The following SPON1 variants were observed in gnomAD, a reference collection of about 807,000 sequenced individuals.
SPON1 encodes spondin 1.
In SPON1, 52 loss-of-function variants were observed where a neutral mutation model predicts 111.7. That is an observed-to-expected ratio of 0.47 (90% CI 0.37 to 0.59). The LOEUF (loss-of-function observed/expected upper bound fraction) is 0.59. Among genes scored for constraint, SPON1 ranks in the 20% least tolerant of loss-of-function variants. The pLI is 0.00. For synonymous variants in SPON1, 410 were observed against 395.8 expected (o/e 1.04, Z -0.43); for missense variants, 957 against 1,068.5 (o/e 0.90, Z 1.46).
At position 14,041,579 on chromosome 11, in the gene SPON1, G is replaced by A; in HGVS notation, c.404G>A (p.Ser135Asn). The change falls in exon 3 of 16, where the codon AGC becomes AAC. Residue 135 changes from serine to asparagine, a missense_variant. Around this residue, in one of 5 missense-constraint regions of SPON1, gnomAD observed 262 missense variants for 253.9 expected, o/e 1.03. Transcript: ENST00000576479. ...MSNCPVAVTE[S>N]TPRRRTRIQV... ...AATTGCCCTGTTGCAGTCACTGAAA[G>A]CACTCCACGGAGGAGGACCCGGATC... 3.1e-6 allele frequency: 5 copies of A among 1,613,970 alleles called. No homozygotes were observed. Among genetic ancestry groups the A allele is most frequent in the Non-Finnish European group, 4.2e-6 (5 of 1,179,888 alleles).
chr11:14,226,639 T>C (rs1402596521), intron 6 of SPON1, among the ~76,000 whole-genome samples: 1 of 152,232 alleles, frequency 6.6e-6, no homozygotes, highest in African/African-American at 2.4e-5. Context: ...TCAGGGACTG[T>C]CTGCCTTTTA....
chr11:14,249,033 C>G, intron 7 of SPON1, among the ~76,000 whole-genome samples: 1 of 152,220 alleles, frequency 6.6e-6, no homozygotes, highest in East Asian at 1.9e-4. Flanking sequence ...TGTCCATCAT[C>G]CAGTTCCTCC....
At position 14,041,563 on chromosome 11, in the gene SPON1, G is replaced by C; in HGVS notation, c.388G>C (p.Val130Leu). 6.2e-7 allele frequency: 1 copy of C among 1,613,928 alleles called. No individual in the cohort carries two copies. Among genetic ancestry groups the C allele is most frequent in the Non-Finnish European group, 8.5e-7 (1 of 1,179,862 alleles). ...EETQFMSNCP[V>L]AVTESTPRRR... ...AACTCAGTTTATGAGCAATTGCCCT[G>C]TTGCAGTCACTGAAAGCACTCCACG... Residue 130 changes from valine (V) to leucine (L), a missense_variant, in exon 3 of 16, where the codon GTT (valine) becomes CTT (leucine). By Grantham distance (32) the Val-to-Leu change is conservative. Coordinates refer to ENST00000576479, the MANE Select transcript of SPON1 (RefSeq NM_006108.4).
intron 2 of SPON1, among the ~76,000 whole-genome samples, chr11:14,027,923 A>G (rs967228129): frequency 2.6e-5 from 4 of 152,244 alleles, no homozygotes; most frequent in African/African-American, 9.6e-5. Context: ...ACTACATTGA[A>G]TAAAATCCCC....
At chr11:14,136,995 T>G (rs538070732) in intron 6 of SPON1, among the ~76,000 whole-genome samples, 103 of 152,334 alleles carry the variant, frequency 6.8e-4, no homozygotes, top group African/African-American at 2.1e-3. Flanking sequence ...CTCCCTGATT[T>G]GTCAAGCTCC....
At chr11:14,017,935 CG>C (rs1362590825) in intron 2 of SPON1, among the ~76,000 whole-genome samples, 3 of 152,198 alleles carry the variant, frequency 2.0e-5, no homozygotes, top group African/African-American at 7.2e-5. Context: ...ACTAATGAGT[CG>C]GACTATTTGG....
chr11:13,979,579 A>G (rs1848128676), intron 1 of SPON1, among the ~76,000 whole-genome samples: 1 of 152,092 alleles, frequency 6.6e-6, no homozygotes, highest in East Asian at 1.9e-4. Flanking sequence ...CCCTTCAGGT[A>G]GTTTCAGTCA....
chr11:14,040,748 C>T (rs188361961), intron 2 of SPON1, among the ~76,000 whole-genome samples: 2 of 151,958 alleles, frequency 1.3e-5, no homozygotes, highest in East Asian at 3.9e-4. Context: ...GTAATGCTAT[C>T]AACACTATTC....
In SPON1 at chr11:14,095,445, T is replaced by TAGATAGATAGAC. The variant is rs782753239; in HGVS notation, c.676+15429_676+15430insGATAGACAGATA. On this transcript the variant is annotated intron_variant, in intron 5 of 15. Transcript: ENST00000576479. ...ATAGATAGATAGATAGATAGATAGATAGATAATACATTTTTTTTTGAGGAA... is the reference window on the plus strand; with the variant it reads ...ATAGATAGATAGATAGATAGATAGATAGATAGATAGACAGATAATACATTTTTTTTTGAGGAA... Among the ~76,000 whole-genome samples, 79 of 147,496 alleles carry TAGATAGATAGAC rather than the reference T, an allele frequency of 5.4e-4. 3 individuals are homozygous for TAGATAGATAGAC. Among genetic ancestry groups the TAGATAGATAGAC allele is most frequent in the Admixed American group, 1.1e-3 (17 of 14,804 alleles).
chr11:14,062,758 C>A (rs1270406265), intron 3 of SPON1, among the ~76,000 whole-genome samples: 2 of 152,224 alleles, frequency 1.3e-5, no homozygotes, highest in Admixed American at 1.3e-4. Context: ...ATAATAGAAA[C>A]ATCCTTCACA....
chr11:14,225,362 G>GT (rs1848725818), intron 6 of SPON1, among the ~76,000 whole-genome samples: 1 of 151,928 alleles, frequency 6.6e-6, no homozygotes, highest in South Asian at 2.1e-4. Context: ...TTATAAAAAT[G>GT]TTTTTTTAAA....
intron 4 of SPON1, among the ~76,000 whole-genome samples, chr11:14,079,680 G>C (rs1304002231): frequency 1.7e-5 from 2 of 119,644 alleles, no homozygotes; most frequent in Non-Finnish European, 3.3e-5. Flanking sequence ...CAATTTATTA[G>C]GGAAAAAGCT....
rs140859825 is a variant in SPON1 at position 14,158,723 on chromosome 11, TG to T, written c.825+23156del. 8.2e-3 allele frequency among the ~76,000 whole-genome samples: 1,250 copies of T among 152,322 alleles called. 13 individuals carry two copies. Among genetic ancestry groups the T allele is most frequent in the African/African-American group, 0.028 (1,165 of 41,578 alleles). Reference sequence around the variant, plus strand: ...TCCAATACTTTAAACCAAGTTACTTTGTTTTGTTTTATTCATTTTTTGTAGT... The same window carrying T: ...TCCAATACTTTAAACCAAGTTACTTTTTTTGTTTTATTCATTTTTTGTAGT... On this transcript the variant is annotated intron_variant, in intron 6 of 15. Transcript: ENST00000576479.
chr11:14,141,203 G>C (rs1554928759), intron 6 of SPON1, among the ~76,000 whole-genome samples: 1 of 151,988 alleles, frequency 6.6e-6, no homozygotes, highest in African/African-American at 2.4e-5. Context: ...CTGGCATCTG[G>C]GCAGTTTTTC....
chr11:14,116,982 A>G (rs563165437), intron 5 of SPON1, among the ~76,000 whole-genome samples: 6 of 152,278 alleles, frequency 3.9e-5, no homozygotes, highest in South Asian at 2.1e-4. Flanking sequence ...GTGAATAATA[A>G]CTTTTTAAAA....
chr11:14,144,234 C>T (rs922926009), intron 6 of SPON1, among the ~76,000 whole-genome samples: 9 of 151,942 alleles, frequency 5.9e-5, no homozygotes, highest in African/African-American at 1.5e-4. Context: ...AAGGGTATTT[C>T]GGTTTTACTG....
At chr11:14,166,339 TATG>T (rs1554931869) in intron 6 of SPON1, among the ~76,000 whole-genome samples, 1 of 152,128 alleles carries the variant, frequency 6.6e-6, no homozygotes, top group Non-Finnish European at 1.5e-5. Context: ...AAAGAACAAA[TATG>T]ATCCAAATTT....
chr11:14,221,191 T>C (rs1554937543), intron 6 of SPON1, among the ~76,000 whole-genome samples: 1 of 152,308 alleles, frequency 6.6e-6, no homozygotes, highest in South Asian at 2.1e-4. Context: ...TGGTGATAGA[T>C]CATGGAGAGA....
chr11:14,067,508 A>G (rs1295861709), intron 3 of SPON1, among the ~76,000 whole-genome samples: 1 of 152,222 alleles, frequency 6.6e-6, no homozygotes, highest in Non-Finnish European at 1.5e-5. Flanking sequence ...CATGGTAGCA[A>G]AATGGCTTGC....
Sources: allele counts gnomAD v4.1 joint callset (sites outside exome capture counted in the v4.1 genomes callset), GRCh38; gene constraint gnomAD v4.1.1; regional missense constraint gnomAD v4.1.1; transcripts MANE v1.5; gene names NCBI Gene and HGNC (gene_info 2026-07-23, HGNC 2026-07-21).